Variants in MYO1B observed in about 807,000 individuals in gnomAD.
MYO1B encodes the protein myosin IB, also known as unconventional myosin-Ib.
In MYO1B, 72 loss-of-function variants were observed where a neutral mutation model predicts 159.7. That is an observed-to-expected ratio of 0.45 (90% CI 0.37 to 0.55). The LOEUF is 0.55. Ranked by LOEUF, MYO1B falls within the 20% of genes least tolerant of loss-of-function variation. The pLI, the probability that MYO1B is intolerant of heterozygous loss-of-function variation, is 0.00. For synonymous variants in MYO1B, 468 were observed against 473.8 expected, an observed-to-expected ratio of 0.99 and a Z score of 0.16; for missense variants, 1,062 against 1,364.8, an observed-to-expected ratio of 0.78 and a Z score of 3.50.
chr2:191,253,721 T>A (rs1185444176), intron 1 of MYO1B, among the ~76,000 whole-genome samples: 1 of 152,250 alleles, frequency 6.6e-6, no homozygotes, highest in African/African-American at 2.4e-5. Flanking sequence ...CATTCTCCTC[T>A]GTTTCCCCCC....
intron 1 of MYO1B, among the ~76,000 whole-genome samples, chr2:191,258,098 T>C (rs1056149947): frequency 2.0e-5 from 3 of 152,164 alleles, no homozygotes; most frequent in Admixed American, 1.3e-4. Context: ...CTGTGAAGTG[T>C]GTCATCGGGC....
intron 1 of MYO1B, among the ~76,000 whole-genome samples, chr2:191,249,291 C>T (rs183649903): frequency 6.6e-5 from 10 of 152,324 alleles, no homozygotes; most frequent in Non-Finnish European, 1.2e-4. Flanking sequence ...TGGAAACACT[C>T]GCAGCAGCAG....
intron 7 of MYO1B, among the ~76,000 whole-genome samples, chr2:191,359,719 G>A (rs1693541645): frequency 6.6e-6 from 1 of 152,164 alleles, no homozygotes. Flanking sequence ...TTAGATTGCA[G>A]CCTGATTAGG....
chr2:191,325,819 C>T (rs1691021492), intron 3 of MYO1B, among the ~76,000 whole-genome samples: 1 of 151,966 alleles, frequency 6.6e-6, no homozygotes, highest in Non-Finnish European at 1.5e-5. Flanking sequence ...GAACATGCAA[C>T]CCAGCATTCC....
chr2:191,280,113 C>G (rs1270481862), intron 2 of MYO1B, among the ~76,000 whole-genome samples: 1 of 152,062 alleles, frequency 6.6e-6, no homozygotes, highest in East Asian at 1.9e-4. Flanking sequence ...TTGCTTTGCC[C>G]CTGGGTATGA....
chr2:191,302,360 A>G (rs531323634), intron 3 of MYO1B, among the ~76,000 whole-genome samples: 1 of 152,348 alleles, frequency 6.6e-6, no homozygotes, highest in East Asian at 1.9e-4. Flanking sequence ...ACTATAAAAC[A>G]AAAGAGATTT....
intron 12 of MYO1B, 143 bp from the exon 13 acceptor site, chr2:191,370,084 T>C (rs1694261539): frequency 1.6e-6 from 1 of 608,798 alleles, no homozygotes; most frequent in Non-Finnish European, 2.9e-6. Context: ...CCTCATCTCA[T>C]ACATTTTTTA....
At chr2:191,318,523 GTC>G (rs1690496870) in intron 3 of MYO1B, among the ~76,000 whole-genome samples, 1 of 152,202 alleles carries the variant, frequency 6.6e-6, no homozygotes, top group Admixed American at 6.5e-5. Flanking sequence ...CCCTGAAGCA[GTC>G]TCTGTTCCGA....
At chr2:191,307,150 G>C (rs1368575847) in intron 3 of MYO1B, among the ~76,000 whole-genome samples, 4 of 152,088 alleles carry the variant, frequency 2.6e-5, no homozygotes. Flanking sequence ...GTTATTTCTT[G>C]ATTATATGCT....
At chr2:191,313,311 A>G (rs1690137838) in intron 3 of MYO1B, among the ~76,000 whole-genome samples, 1 of 137,046 alleles carries the variant, frequency 7.3e-6, no homozygotes, top group East Asian at 2.2e-4. Flanking sequence ...CCCGGGTTCC[A>G]GGAATTCTCC....
chr2:191,357,545 GAATATCTGGAATATCTCTTCTGTACTA>G (rs1324799078), intron 7 of MYO1B, among the ~76,000 whole-genome samples: 1 of 152,178 alleles, frequency 6.6e-6, no homozygotes, highest in Non-Finnish European at 1.5e-5. Context: ...AGCTGCATTA[GAATATCTGGAATATCTCTTCTGTACTA>G]AATATCCAGT....
At chr2:191,409,788 C>T (rs1283901534) in intron 26 of MYO1B, among the ~76,000 whole-genome samples, 1 of 152,162 alleles carries the variant, frequency 6.6e-6, no homozygotes, top group African/African-American at 2.4e-5. Context: ...TGTTGCCCAG[C>T]ATGGAACACG....
intron 8 of MYO1B, among the ~76,000 whole-genome samples, chr2:191,360,966 A>G (rs1693632449): frequency 6.6e-6 from 1 of 152,072 alleles, no homozygotes; most frequent in Non-Finnish European, 1.5e-5. Context: ...TTTAAAACAT[A>G]CTCCATATGC....
intron 3 of MYO1B, among the ~76,000 whole-genome samples, chr2:191,306,097 A>G (rs1689635357): frequency 6.6e-6 from 1 of 152,190 alleles, no homozygotes; most frequent in Non-Finnish European, 1.5e-5. Flanking sequence ...ATGGCATTTT[A>G]AATGGTGACA....
At chr2:191,404,676 T>G (rs1472532494) in intron 24 of MYO1B, among the ~76,000 whole-genome samples, 1 of 152,228 alleles carries the variant, frequency 6.6e-6, no homozygotes, top group Non-Finnish European at 1.5e-5. Context: ...ACAAATGTTT[T>G]GTTTGCCAGT....
chr2:191,390,335 G>A lies in MYO1B; in HGVS notation c.1825G>A (p.Glu609Lys), dbSNP rs1030911011. The stretch of plus-strand genomic sequence containing the variant: ...TAAAAAAGCAGCACACATCTTCAAC[G>A]AGGCTCTAGTGTGTCATCAGATCAG... ...NDKKAAHIFN[E>K]ALVCHQIRYL... Residue 609 changes from glutamate to lysine, a missense_variant, in exon 18 of 31, where the codon GAG becomes AAG. By Grantham distance (56) the Glu-to-Lys change is moderately conservative. Around this residue, in one of 5 missense-constraint regions of MYO1B, gnomAD observed 609 missense variants for 744.4 expected, o/e 0.82. Coordinates refer to ENST00000392318, the MANE Select transcript of MYO1B (RefSeq NM_001130158.3). The A allele has an allele frequency of 1.1e-5, 18 of 1,614,018 alleles. No homozygotes were observed. In the African/African-American group the frequency reaches 1.3e-4, roughly 12 times the overall value.
chr2:191,320,611 C>A (rs1690646105), intron 3 of MYO1B, among the ~76,000 whole-genome samples: 2 of 152,016 alleles, frequency 1.3e-5, no homozygotes, highest in African/African-American at 4.8e-5. Context: ...CATGAAATGG[C>A]TACAGATTTG....
intron 1 of MYO1B, among the ~76,000 whole-genome samples, chr2:191,248,959 A>C (rs2125647687): frequency 6.6e-6 from 1 of 152,362 alleles, no homozygotes; most frequent in East Asian, 1.9e-4. Flanking sequence ...TTAGAACTGT[A>C]TTGCTAAAGA....
At chr2:191,402,332 G>T in intron 23 of MYO1B, 1 of 377,902 alleles carries the variant, frequency 2.6e-6, no homozygotes, top group South Asian at 2.5e-5. Flanking sequence ...AGAAGGCAGC[G>T]AACAGAGAGA....
Sources: allele counts gnomAD v4.1 joint callset (sites outside exome capture counted in the v4.1 genomes callset), GRCh38; gene constraint gnomAD v4.1.1; regional missense constraint gnomAD v4.1.1; transcripts MANE v1.5; gene names NCBI Gene and HGNC (gene_info 2026-07-23, HGNC 2026-07-21).